The following EXOC6 variants were observed in gnomAD, a reference collection of about 807,000 sequenced individuals.
The protein encoded by EXOC6 is SEC15-like 1.
EXOC6 carries 60 observed loss-of-function variants against 112.5 expected under a neutral mutation model. The ratio of observed to expected loss-of-function variants is 0.53; its 90% confidence interval spans 0.43 to 0.66. EXOC6 has a LOEUF of 0.66. Ranked by LOEUF, EXOC6 falls within the 30% of genes least tolerant of loss-of-function variation. The probability of loss-of-function intolerance (pLI) is 0.00; values close to 1 mark genes in which losing one functional copy is unlikely to be tolerated. For missense variants in EXOC6, 855 were observed against 957.1 expected (o/e 0.89, Z 1.41); for synonymous variants, 295 against 308.0 (o/e 0.96, Z 0.44).
chr10:92,936,228 T>G (rs1482261950), intron 12 of EXOC6, among the ~76,000 whole-genome samples: 2 of 152,346 alleles, frequency 1.3e-5, no homozygotes, highest in East Asian at 1.9e-4. Flanking sequence ...CAGTGAGAAG[T>G]GGGTTCTAGA....
chr10:93,053,018 G>C (rs1846372826), intron 20 of EXOC6, among the ~76,000 whole-genome samples: 1 of 152,168 alleles, frequency 6.6e-6, no homozygotes, highest in African/African-American at 2.4e-5. Flanking sequence ...AAGTAGAGAA[G>C]TGAGATTTTT....
chr10:92,894,486 A>G (rs1849656591), intron 2 of EXOC6, among the ~76,000 whole-genome samples: 1 of 152,180 alleles, frequency 6.6e-6, no homozygotes, highest in Non-Finnish European at 1.5e-5. Flanking sequence ...TCAAAAGGGG[A>G]CCAGTGGTCA....
rs561265921 is a variant in EXOC6 at position 93,000,006 on chromosome 10, G to T, written c.2095+2391G>T. On this transcript the variant is annotated intron_variant, in intron 19 of 21. Transcript: ENST00000260762. ...GGCATGAACCACCGTGCCTAGCCCTGTGCCTAATTTTTAAGTTAAGCTTTA... is the reference window on the plus strand; with the variant it reads ...GGCATGAACCACCGTGCCTAGCCCTTTGCCTAATTTTTAAGTTAAGCTTTA... Among the ~76,000 whole-genome samples the T allele has an allele frequency of 1.3e-5, 2 of 152,178 alleles. 1 individual carries two copies. Among genetic ancestry groups the T allele is most frequent in the South Asian group, 4.2e-4 (2 of 4,814 alleles).
chr10:93,018,561 A>G (rs1002057132), intron 20 of EXOC6, among the ~76,000 whole-genome samples: 3 of 151,564 alleles, frequency 2.0e-5, no homozygotes, highest in Admixed American at 6.6e-5. Flanking sequence ...TGTCCTCACA[A>G]TTCCTTCTTT....
At chr10:93,014,131 CAGTT>C in intron 19 of EXOC6, 59 bp from the exon 20 acceptor site, 1 of 1,145,182 alleles carries the variant, frequency 8.7e-7, no homozygotes, top group Non-Finnish European at 1.3e-6. Flanking sequence ...ATTAATTTAT[CAGTT>C]AAACTCTTGT....
intron 12 of EXOC6, among the ~76,000 whole-genome samples, chr10:92,939,586 G>C (rs1852543396): frequency 6.6e-6 from 1 of 152,068 alleles, no homozygotes; most frequent in Non-Finnish European, 1.5e-5. Flanking sequence ...GACTGGAGAT[G>C]AAACACGTGT....
intron 1 of EXOC6, among the ~76,000 whole-genome samples, chr10:92,866,898 G>A (rs1045756414): frequency 3.9e-5 from 6 of 152,070 alleles, no homozygotes; most frequent in Non-Finnish European, 5.9e-5. Flanking sequence ...TGTTTTGGGG[G>A]AATTTTACAA....
intron 1 of EXOC6, among the ~76,000 whole-genome samples, chr10:92,851,649 TAAAA>T (rs1221067369): frequency 1.4e-5 from 2 of 146,576 alleles, no homozygotes. Context: ...GACTCCATCT[TAAAA>T]AAACAAAAAC....
intron 7 of EXOC6, among the ~76,000 whole-genome samples, chr10:92,919,444 C>T (rs994551931): frequency 6.6e-6 from 1 of 151,286 alleles, no homozygotes; most frequent in Non-Finnish European, 1.5e-5. Context: ...ATTTTTTTTT[C>T]CACATAACAT....
intron 13 of EXOC6, among the ~76,000 whole-genome samples, chr10:92,947,326 C>T (rs1853084477): frequency 6.6e-6 from 1 of 152,180 alleles, no homozygotes; most frequent in African/African-American, 2.4e-5. Context: ...ACAATTGGCT[C>T]ATAAAGGCTT....
At chr10:93,035,087 A>G (rs1007464371) in intron 20 of EXOC6, among the ~76,000 whole-genome samples, 2 of 152,236 alleles carry the variant, frequency 1.3e-5, no homozygotes, top group African/African-American at 4.8e-5. Flanking sequence ...ACAAGACCAG[A>G]CATCTCACAA....
chr10:92,996,165 G>A (rs141760141), intron 18 of EXOC6, among the ~76,000 whole-genome samples: 1 of 152,176 alleles, frequency 6.6e-6, no homozygotes, highest in East Asian at 1.9e-4. Flanking sequence ...GCAAAACATG[G>A]CATGTCTTCC....
intron 20 of EXOC6, among the ~76,000 whole-genome samples, chr10:93,054,471 A>G (rs1846455370): frequency 6.6e-6 from 1 of 152,252 alleles, no homozygotes; most frequent in African/African-American, 2.4e-5. Context: ...TCAATATGAA[A>G]GCATATAGAT....
intron 20 of EXOC6, among the ~76,000 whole-genome samples, chr10:93,049,000 AC>A (rs1160875886): frequency 6.6e-6 from 1 of 152,116 alleles, no homozygotes; most frequent in Admixed American, 6.5e-5. Flanking sequence ...CTAGATATAT[AC>A]CCAAGAGAAA....
chr10:92,831,930 A>G (rs1846496808), upstream of EXOC6, among the ~76,000 whole-genome samples: 1 of 152,302 alleles, frequency 6.6e-6, no homozygotes, highest in Admixed American at 6.5e-5. Context: ...AAAATTTTCA[A>G]AATTAAAATT....
intron 1 of EXOC6, among the ~76,000 whole-genome samples, chr10:92,838,957 C>T (rs112516084): frequency 0.015 from 2,282 of 152,140 alleles, 52 homozygotes; most frequent in African/African-American, 0.052. Flanking sequence ...TCTGTAGTCC[C>T]AGCTACTTGG....
In EXOC6 at chr10:92,859,820, C is replaced by CGTGTGT. The variant is rs1564779063; in HGVS notation, c.101+11186_101+11187insGTGTGT. On this transcript the variant is annotated intron_variant, in intron 1 of 21. Transcript: ENST00000260762. ...CTGTGTGTGTGTGCACGTTTGTGTG[C>CGTGTGT]ATGTGTGTGTGTGTGTGTGTGTGTG... Among the ~76,000 whole-genome samples, 281 of 103,468 alleles carry CGTGTGT rather than the reference C, an allele frequency of 2.7e-3. 1 individual carries two copies. Among genetic ancestry groups the CGTGTGT allele is most frequent in the African/African-American group, 9.5e-3 (253 of 26,766 alleles). 67.9% of individuals were successfully genotyped at this position (103,468 alleles called of 152,430 possible).
intron 13 of EXOC6, among the ~76,000 whole-genome samples, chr10:92,947,514 C>T (rs1485407883): frequency 6.6e-6 from 1 of 152,196 alleles, no homozygotes; most frequent in Admixed American, 6.5e-5. Context: ...TTATGAGAGG[C>T]TAAGCAAATG....
chr10:92,922,436 G>A (rs190300752), intron 8 of EXOC6, among the ~76,000 whole-genome samples: 63 of 152,266 alleles, frequency 4.1e-4, no homozygotes, highest in African/African-American at 1.4e-3. Context: ...GCTTGGTATA[G>A]GACCTGGTAT....
Sources: allele counts gnomAD v4.1 joint callset (sites outside exome capture counted in the v4.1 genomes callset), GRCh38; gene constraint gnomAD v4.1.1; transcripts MANE v1.5; gene names NCBI Gene and HGNC (gene_info 2026-07-23, HGNC 2026-07-21).